EEF1AKMT3: variants seen among roughly 807,000 people sequenced by gnomAD.
The protein encoded by EEF1AKMT3 is EEF1A lysine methyltransferase 3.
A neutral mutation model predicts 17.8 loss-of-function variants in EEF1AKMT3; 17 were observed. The ratio of observed to expected loss-of-function variants is 0.96; its 90% CI spans 0.65 to 1.43. The LOEUF (loss-of-function observed/expected upper bound fraction) is 1.43. Among genes scored for constraint, EEF1AKMT3 ranks in the 40% most tolerant of loss-of-function variants. The probability of loss-of-function intolerance (pLI) is 0.00; values close to 1 mark genes in which losing one functional copy is unlikely to be tolerated. For missense variants in EEF1AKMT3, 244 were observed against 285.8 expected (o/e 0.85, Z 1.06); for synonymous variants, 116 against 126.5 (o/e 0.92, Z 0.56).
chr12:57,778,292 G>GTTTTTTTTTTTTTTT (rs78304489), intron 2 of EEF1AKMT3, among the ~76,000 whole-genome samples: 5 of 2,296 alleles, frequency 2.2e-3, no homozygotes, highest in African/African-American at 5.1e-3. Flanking sequence ...ACCATCCTGA[G>GTTTTTTTTTTTTTTT]CTTTTTTTTT....
intron 2 of EEF1AKMT3, among the ~76,000 whole-genome samples, chr12:57,775,846 A>T (rs1475447182): frequency 6.6e-6 from 1 of 152,138 alleles, no homozygotes; most frequent in Non-Finnish European, 1.5e-5. Context: ...TGGGAAACCT[A>T]GACATCACCT....
intron 2 of EEF1AKMT3, chr12:57,774,793 C>A: frequency 6.3e-7 from 1 of 1,586,474 alleles, no homozygotes; most frequent in Non-Finnish European, 8.6e-7. Flanking sequence ...ACAGTGTGAA[C>A]ACAGCAGGCT....
At position 57,780,446 on chromosome 12, in the gene EEF1AKMT3, C is replaced by T. The variant is rs751755952; in HGVS notation, c.481C>T (p.Leu161=). ...DIVYLEPTFP[L]LLGTLQHLCR... ...CGTGTACCTGGAACCCACCTTCCCT[C>T]TGCTGCTGGGGACCCTCCAACACCT... Residue 161 remains leucine (L), a synonymous_variant, in exon 3 of 3, where the codon CTG becomes TTG. Transcript: ENST00000300209. 3.1e-6 allele frequency: 5 copies of T among 1,614,108 alleles called. No homozygotes were observed. The highest frequency in any genetic ancestry group is 4.2e-6 in the Non-Finnish European group (5 of 1,180,054).
In EEF1AKMT3 at chr12:57,772,765, C is replaced by A. The variant is rs1314853966; in HGVS notation, c.41C>A (p.Ser14Ter). 5 of 1,614,128 alleles carry A rather than the reference C, an allele frequency of 3.1e-6. No individual in the cohort carries two copies. Among genetic ancestry groups the A allele is most frequent in the Non-Finnish European group, 4.2e-6 (5 of 1,179,968 alleles). The change falls in exon 1 of 3, where the codon TCG becomes TAG. Residue 14 changes from serine to a stop codon, truncating the protein, a stop_gained. Transcript: ENST00000300209. LOFTEE classifies it high-confidence loss of function. This position sits in a 1 kb window ranked among gnomAD's most constrained non-coding sequence, Gnocchi z 4.1. Reference protein sequence around the residue: ...PGPDPESESESVFPREVGLFA... With the variant: ...PGPDPESESE ...CCAGATCCCGAATCTGAGTCGGAATCGGTGTTCCCGCGGGAGGTCGGGCTC... is the reference window on the plus strand; with the variant it reads ...CCAGATCCCGAATCTGAGTCGGAATAGGTGTTCCCGCGGGAGGTCGGGCTC...
intron 2 of EEF1AKMT3, chr12:57,774,786 G>C (rs1475526414): frequency 4.3e-5 from 68 of 1,594,246 alleles, no homozygotes; most frequent in Non-Finnish European, 5.7e-5. Flanking sequence ...GAGGTGAACA[G>C]TGTGAACACA....
At position 57,772,933 on chromosome 12, in the gene EEF1AKMT3, G is replaced by C. The variant is rs1955452737; in HGVS notation, c.177+32G>C. The C allele has an allele frequency of 1.2e-6, 2 of 1,613,102 alleles. No individual in the cohort carries two copies. Among genetic ancestry groups the C allele is most frequent in the Non-Finnish European group, 1.7e-6 (2 of 1,179,346 alleles). On this transcript the variant is annotated intron_variant, in intron 1 of 2. Coordinates refer to ENST00000300209, the MANE Select transcript of EEF1AKMT3 (RefSeq NM_015433.3). This position sits in a 1 kb window ranked among gnomAD's most constrained non-coding sequence, Gnocchi z 4.1. ...AATGGGCTGCGCCGGGTGAGGGTCC[G>C]TGGGAGGTCCAGATCCCGGACTCCG... is the stretch of plus-strand genomic sequence containing the variant.
rs990011298 is a variant in EEF1AKMT3 at position 57,780,927 on chromosome 12, G to A, written c.*281G>A. ...AGAAGGAGGATGGTAAGGTATCCAG[G>A]ATTTTTAGGGGGTAAGGGAGATATA... On this transcript the variant is annotated 3_prime_UTR_variant, in exon 3 of 3. Transcript: ENST00000300209. 3 of 504,030 alleles carry A rather than the reference G, an allele frequency of 6.0e-6. No individual in the cohort carries two copies. Among genetic ancestry groups the A allele is most frequent in the African/African-American group, 5.8e-5 (3 of 52,008 alleles). The allele number at this position is 504,030 out of a possible 1,614,324, so 31.2% of individuals were successfully genotyped here.
chr12:57,773,037 T>A lies in EEF1AKMT3; in HGVS notation c.198T>A (p.Tyr66Ter), dbSNP rs759954367. 10 of 1,614,070 alleles carry A rather than the reference T, an allele frequency of 6.2e-6. No homozygotes were observed. Among genetic ancestry groups the A allele is most frequent in the Non-Finnish European group, 7.6e-6 (9 of 1,180,052 alleles). Residue 66 changes from tyrosine (Y) to a stop codon, truncating the protein, a stop_gained, in exon 2 of 3, where the codon TAT (tyrosine) becomes TAA (stop). Coordinates refer to ENST00000300209, the MANE Select transcript of EEF1AKMT3 (RefSeq NM_015433.3). LOFTEE classifies it high-confidence loss of function. ...VWDAALSLCN[Y>*]FESQNVDFRG... is the part of the protein sequence containing the mutation. Reference sequence around the variant, plus strand: ...CGTAGGCCCTGAGCCTGTGCAATTATTTCGAGAGTCAAAATGTGGATTTCC... The same window carrying A: ...CGTAGGCCCTGAGCCTGTGCAATTAATTCGAGAGTCAAAATGTGGATTTCC...
At chr12:57,777,087 G>A (rs1955485264) in intron 2 of EEF1AKMT3, among the ~76,000 whole-genome samples, 1 of 152,120 alleles carries the variant, frequency 6.6e-6, no homozygotes, top group East Asian at 1.9e-4. Flanking sequence ...AACACATTGT[G>A]CTAGCTAAGG....
At position 57,780,717 on chromosome 12, in the gene EEF1AKMT3, C is replaced by T; in HGVS notation, c.*71C>T. 1.9e-6 allele frequency: 3 copies of T among 1,568,068 alleles called. No individual in the cohort carries two copies. Among genetic ancestry groups the T allele is most frequent in the Non-Finnish European group, 1.7e-6 (2 of 1,164,656 alleles). ...CTGTGTATCTCAAAAACCATATTTC[C>T]AGAGCCACAAACATGAGGACCAAAA... On this transcript the variant is annotated 3_prime_UTR_variant, in exon 3 of 3. Coordinates refer to ENST00000300209, the MANE Select transcript of EEF1AKMT3 (RefSeq NM_015433.3).
intron 2 of EEF1AKMT3, among the ~76,000 whole-genome samples, chr12:57,778,144 T>TA (rs1318511971): frequency 6.6e-5 from 10 of 152,028 alleles, no homozygotes; most frequent in African/African-American, 2.2e-4. Flanking sequence ...TCTGATGTGA[T>TA]ATAGAAGTCC....
chr12:57,773,247 T>A, intron 2 of EEF1AKMT3, 119 bp downstream of exon 2: 1 of 922,420 alleles, frequency 1.1e-6, no homozygotes, highest in African/African-American at 1.7e-5. Flanking sequence ...CCCTTCTTTT[T>A]AACAAATTTT....
At position 57,781,803 on chromosome 12, in the gene EEF1AKMT3, G is replaced by A. The variant is rs1391010571; in HGVS notation, c.*1157G>A. The stretch of plus-strand genomic sequence containing the variant: ...TGGGGCTCTCTTTACTTACTGCTTA[G>A]GCACATAGTCACCTTCTCTGGACTC... On this transcript the variant is annotated 3_prime_UTR_variant, in exon 3 of 3. Coordinates refer to ENST00000300209, the MANE Select transcript of EEF1AKMT3 (RefSeq NM_015433.3). 1 of 152,054 alleles carries A rather than the reference G, an allele frequency of 6.6e-6. No individual in the cohort carries two copies. Among genetic ancestry groups the A allele is most frequent in the Non-Finnish European group, 1.5e-5 (1 of 68,070 alleles). 9.4% of individuals were successfully genotyped at this position (152,054 alleles called of 1,614,324 possible).
intron 2 of EEF1AKMT3, 139 bp from the exon 3 acceptor site, chr12:57,780,116 G>T: frequency 1.1e-6 from 1 of 923,864 alleles, no homozygotes; most frequent in Non-Finnish European, 1.6e-6. Flanking sequence ...GGAGGTTGAG[G>T]CAACTAAAAG....
At position 57,777,458 on chromosome 12, in the gene EEF1AKMT3, C is replaced by T. The variant is rs529442440; in HGVS notation, c.290-2797C>T. On this transcript the variant is annotated intron_variant, in intron 2 of 2. Transcript: ENST00000300209. ...TCATTTCCAACTCCAGGTTGTTAAA[C>T]GCAGGAGTCAGTTATCAGCCTACCT... Among the ~76,000 whole-genome samples, 4 of 152,298 alleles carry T rather than the reference C, an allele frequency of 2.6e-5. No homozygotes were observed. The East Asian group carries it at 5.8e-4, about 22-fold the overall frequency.
Position 57,780,794 on chromosome 12 carries a change from C to G in EEF1AKMT3, c.*148C>G. 1.8e-6 allele frequency: 2 copies of G among 1,089,894 alleles called. No individual in the cohort carries two copies. Among genetic ancestry groups the G allele is most frequent in the Non-Finnish European group, 2.6e-6 (2 of 777,400 alleles). The allele number at this position is 1,089,894 out of a possible 1,614,324, so 67.5% of individuals were successfully genotyped here. ...CTTTCCTCCTTCCCTCTTTGTTACC[C>G]CAGATACTCTTGGGCAGGTGCAGTG... On this transcript the variant is annotated 3_prime_UTR_variant, in exon 3 of 3. Transcript: ENST00000300209.
In EEF1AKMT3 at chr12:57,774,712, G is replaced by A. The variant is rs1476845892; in HGVS notation, c.289+1584G>A. On this transcript the variant is annotated intron_variant, in intron 2 of 2. Coordinates refer to ENST00000300209, the MANE Select transcript of EEF1AKMT3 (RefSeq NM_015433.3). The stretch of plus-strand genomic sequence containing the variant: ...AGGTATGCGTGGAGCCTGTGGACAT[G>A]CTCTATCCATGTCTACCATGACTCC... The A allele has an allele frequency of 4.3e-6, 7 of 1,612,994 alleles. No individual in the cohort carries two copies. The African/African-American group carries it at 6.7e-5, about 15-fold the overall frequency.
Position 57,780,898 on chromosome 12 carries a change from T to C in EEF1AKMT3, c.*252T>C, listed in dbSNP as rs1595131792. 1.8e-6 allele frequency: 1 copy of C among 550,538 alleles called. No homozygotes were observed. The highest frequency in any genetic ancestry group is 3.2e-5 in the East Asian group (1 of 31,020). 34.1% of individuals were successfully genotyped at this position (550,538 alleles called of 1,614,324 possible). A position where few individuals can be genotyped will look rare whatever the true frequency, so the allele number is the denominator to read the frequency against. On this transcript the variant is annotated 3_prime_UTR_variant, in exon 3 of 3. Transcript: ENST00000300209. ...CCAAGGAGGTTCCTGGCTCCTGTTC[T>C]CAGAGAAGGAGGATGGTAAGGTATC...
chr12:57,777,686 C>T (rs1032104737), intron 2 of EEF1AKMT3, among the ~76,000 whole-genome samples: 14 of 152,200 alleles, frequency 9.2e-5, no homozygotes, highest in African/African-American at 3.4e-4. Flanking sequence ...CTTTTCTTGT[C>T]TACCTCACTC....
Sources: gnomAD v4.1 joint callset for allele counts (sites outside exome capture counted in the v4.1 genomes callset) on GRCh38, gnomAD v4.1.1 for gene constraint, Gnocchi (gnomAD v3.1) non-coding constraint, MANE v1.5 for transcripts, NCBI Gene and HGNC (gene_info 2026-07-23, HGNC 2026-07-21) for gene names.